The following CAMK1D variants were observed in gnomAD, a reference collection of about 807,000 sequenced individuals.
CAMK1D encodes calcium/calmodulin-dependent protein kinase type 1D.
Under a neutral mutation model 47.7 loss-of-function variants are expected in CAMK1D, and 9 were observed. That is an observed-to-expected ratio of 0.19 (90% CI 0.11 to 0.33). CAMK1D has a LOEUF of 0.33. Among genes scored for constraint, CAMK1D ranks in the 10% least tolerant of loss-of-function variants. CAMK1D has a pLI of 1.00. For synonymous variants in CAMK1D, 184 were observed against 184.9 expected, an observed-to-expected ratio of 0.99 and a Z score of 0.04; for missense variants, 291 against 488.7, an observed-to-expected ratio of 0.60 and a Z score of 3.81.
chr10:12,823,480 T>G (rs1833088005), intron 8 of CAMK1D, among the ~76,000 whole-genome samples: 1 of 151,642 alleles, frequency 6.6e-6, no homozygotes, highest in Non-Finnish European at 1.5e-5. Flanking sequence ...GAGGCTGTGA[T>G]CGAGAAGGGC....
At chr10:12,825,409 A>G (rs1338199418) in intron 9 of CAMK1D, among the ~76,000 whole-genome samples, 164 bp from the exon 10 acceptor site, 2 of 152,128 alleles carry the variant, frequency 1.3e-5, no homozygotes, top group Non-Finnish European at 2.9e-5. Context: ...AAATCAGTGC[A>G]CTTTTAGAAG....
At chr10:12,745,607 CT>C (rs62682462) in intron 3 of CAMK1D, among the ~76,000 whole-genome samples, 105 of 144,718 alleles carry the variant, frequency 7.3e-4, no homozygotes, top group Non-Finnish European at 6.4e-4. Context: ...TTCTTTTTTT[CT>C]TTTTTTTTTT....
At chr10:12,491,880 G>A (rs950406589) in intron 1 of CAMK1D, among the ~76,000 whole-genome samples, 5 of 152,010 alleles carry the variant, frequency 3.3e-5, no homozygotes, top group Admixed American at 6.6e-5. Context: ...TCCATCTCCC[G>A]GGTTCAAGTG....
At chr10:12,738,370 T>A (rs1835272982) in intron 3 of CAMK1D, among the ~76,000 whole-genome samples, 1 of 152,128 alleles carries the variant, frequency 6.6e-6, no homozygotes, top group South Asian at 2.1e-4. Context: ...AGACTGTTGG[T>A]GGGAGTGAAG....
chr10:12,527,456 G>A (rs1835663270), intron 1 of CAMK1D, among the ~76,000 whole-genome samples: 1 of 144,948 alleles, frequency 6.9e-6, no homozygotes, highest in Non-Finnish European at 1.5e-5. Context: ...CCAGGTTCAA[G>A]TGATTCTCTT....
At chr10:12,503,230 G>C (rs2132145318) in intron 1 of CAMK1D, among the ~76,000 whole-genome samples, 1 of 152,320 alleles carries the variant, frequency 6.6e-6, no homozygotes, top group South Asian at 2.1e-4. Context: ...ATAAGTCTGT[G>C]TGTGTTGTGT....
chr10:12,555,251 C>T (rs951104620), intron 2 of CAMK1D, among the ~76,000 whole-genome samples: 16 of 152,158 alleles, frequency 1.1e-4, no homozygotes, highest in African/African-American at 3.1e-4. Context: ...GTCCACCCAA[C>T]GATGTTCAGC....
chr10:12,636,582 C>G (rs1342047449), intron 2 of CAMK1D, among the ~76,000 whole-genome samples: 1 of 152,200 alleles, frequency 6.6e-6, no homozygotes, highest in African/African-American at 2.4e-5. Context: ...CCCACCTCAG[C>G]CTCCCAAAGT....
rs55827922 is a variant in CAMK1D at position 12,714,761 on chromosome 10, T to TACACACACACACACAC, written c.300-46157_300-46142dup. On this transcript the variant is annotated intron_variant, in intron 3 of 10. Coordinates refer to ENST00000619168, the MANE Select transcript of CAMK1D (RefSeq NM_153498.4). ...ATAAATAAAAATAGGTACATTAAAT[T>TACACACACACACACAC]ACACACACACACACACACACACACA... Among the ~76,000 whole-genome samples the TACACACACACACACAC allele has an allele frequency of 1.9e-3, 244 of 130,562 alleles. 1 individual carries two copies. Among genetic ancestry groups the TACACACACACACACAC allele is most frequent in the South Asian group, 3.7e-3 (13 of 3,536 alleles). The allele number at this position is 130,562 out of a possible 152,430, so 85.7% of individuals were successfully genotyped here.
chr10:12,481,341 C>A (rs972758831), intron 1 of CAMK1D, among the ~76,000 whole-genome samples: 6 of 152,148 alleles, frequency 3.9e-5, no homozygotes, highest in Non-Finnish European at 8.8e-5. Context: ...GGACTCAGTA[C>A]ACCAGGACCA....
intron 2 of CAMK1D, among the ~76,000 whole-genome samples, chr10:12,628,096 A>AAC (rs1554799883): frequency 6.7e-6 from 1 of 149,738 alleles, no homozygotes. Flanking sequence ...AAAACAAAAA[A>AAC]CAAAAAACAA....
intron 3 of CAMK1D, among the ~76,000 whole-genome samples, chr10:12,745,400 C>CGTGT (rs1368318956): frequency 6.6e-6 from 1 of 152,084 alleles, no homozygotes; most frequent in Admixed American, 6.5e-5. Flanking sequence ...TAAACACATG[C>CGTGT]GTGTGCGCAC....
At chr10:12,554,669 T>C (rs1836703898) in intron 2 of CAMK1D, among the ~76,000 whole-genome samples, 2 of 151,960 alleles carry the variant, frequency 1.3e-5, no homozygotes, top group Non-Finnish European at 2.9e-5. Flanking sequence ...CCTGAGTAGC[T>C]AGGACTGTAG....
At chr10:12,824,957 G>C (rs920011819) in intron 9 of CAMK1D, among the ~76,000 whole-genome samples, 4 of 152,112 alleles carry the variant, frequency 2.6e-5, no homozygotes, top group African/African-American at 9.7e-5. Flanking sequence ...GTGATCATCT[G>C]TTGATTACCT....
At chr10:12,387,475 A>C (rs1838564834) in intron 1 of CAMK1D, among the ~76,000 whole-genome samples, 1 of 111,716 alleles carries the variant, frequency 9.0e-6, no homozygotes, top group Non-Finnish European at 1.9e-5. Flanking sequence ...AGACATTGTA[A>C]ACTCTTAATG....
At chr10:12,805,464 G>A (rs1350022131) in intron 6 of CAMK1D, among the ~76,000 whole-genome samples, 2 of 150,120 alleles carry the variant, frequency 1.3e-5, no homozygotes, top group African/African-American at 2.5e-5. Flanking sequence ...TCCACCTCCC[G>A]GGTTCAAGTG....
At chr10:12,747,734 G>GT (rs1481942452) in intron 3 of CAMK1D, among the ~76,000 whole-genome samples, 1 of 152,276 alleles carries the variant, frequency 6.6e-6, no homozygotes, top group East Asian at 1.9e-4. Flanking sequence ...GATTGTATGA[G>GT]TTTCAGTCTG....
chr10:12,623,275 C>T (rs1430683092), intron 2 of CAMK1D, among the ~76,000 whole-genome samples: 1 of 12,958 alleles, frequency 7.7e-5, no homozygotes, highest in Non-Finnish European at 2.7e-4. Context: ...CTTCCTCCCT[C>T]CCTTCCTTCC....
At chr10:12,466,882 A>G (rs1055129382) in intron 1 of CAMK1D, among the ~76,000 whole-genome samples, 1 of 152,120 alleles carries the variant, frequency 6.6e-6, no homozygotes, top group East Asian at 1.9e-4. Context: ...AAAATGAAGC[A>G]GGATGTTTCA....
Sources: allele counts gnomAD v4.1 joint callset (sites outside exome capture counted in the v4.1 genomes callset), GRCh38; gene constraint gnomAD v4.1.1; transcripts MANE v1.5; gene names NCBI Gene and HGNC (gene_info 2026-07-23, HGNC 2026-07-21).